The following KCNJ4 variants were observed in gnomAD, a reference collection of about 807,000 sequenced individuals.
KCNJ4 encodes the protein inward rectifier potassium channel 4.
In KCNJ4, 3 loss-of-function variants were observed where a neutral mutation model predicts 25.6. The observed-to-expected ratio is 0.12, with a 90% confidence interval of 0.05 to 0.30. KCNJ4 has a LOEUF of 0.30. Among genes scored for constraint, KCNJ4 ranks in the 10% least tolerant of loss-of-function variants. The probability of loss-of-function intolerance (pLI) is 1.00; values close to 1 mark genes in which losing one functional copy is unlikely to be tolerated. For missense variants in KCNJ4, 286 were observed against 666.8 expected (o/e 0.43, Z 6.29); for synonymous variants, 257 against 283.9 (o/e 0.91, Z 0.95).
At chr22:38,442,631 C>T (rs1280216173) in intron 1 of KCNJ4, among the ~76,000 whole-genome samples, 1 of 151,520 alleles carries the variant, frequency 6.6e-6, no homozygotes, top group Non-Finnish European at 1.5e-5. Context: ...AATTTCTTAA[C>T]CTCTCTGAGT....
At chr22:38,453,293 C>T (rs1378532825) in intron 1 of KCNJ4, among the ~76,000 whole-genome samples, 1 of 152,092 alleles carries the variant, frequency 6.6e-6, no homozygotes, top group Non-Finnish European at 1.5e-5. Flanking sequence ...GTTGAAGAAA[C>T]TGAGGTTCAG....
chr22:38,438,643 C>T (rs747685677), intron 1 of KCNJ4, among the ~76,000 whole-genome samples: 4 of 150,940 alleles, frequency 2.7e-5, no homozygotes, highest in Non-Finnish European at 5.9e-5. Context: ...GAGCTGAGAT[C>T]GCGCCACTGC....
Position 38,427,840 on chromosome 22 carries a change from C to A in KCNJ4, c.293G>T (p.Gly98Val). 2 of 1,609,028 alleles carry A rather than the reference C, an allele frequency of 1.2e-6. No homozygotes were observed. Among genetic ancestry groups the A allele is most frequent in the Admixed American group, 1.7e-5 (1 of 59,660 alleles). Reference protein sequence around the residue: ...EASPGVPAAGGPAAGGGGAAP... With the variant: ...EASPGVPAAGVPAAGGGGAAP... The stretch of plus-strand genomic sequence containing the variant: ...TGCTCCGCCACCACCCGCCGCCGGG[C>A]CCCCCGCCGCAGGCACCCCTGGGCT... Residue 98 changes from glycine to valine, a missense_variant, in exon 2 of 2, where the codon GGC becomes GTC. Physicochemically the swap from Gly to Val is moderately radical, Grantham distance 109. Coordinates refer to ENST00000303592, the MANE Select transcript of KCNJ4 (RefSeq NM_152868.3).
intron 1 of KCNJ4, among the ~76,000 whole-genome samples, chr22:38,454,047 G>A (rs992761454): frequency 1.3e-5 from 2 of 152,202 alleles, no homozygotes; most frequent in African/African-American, 4.8e-5. Flanking sequence ...AGCCATGGAG[G>A]TCATGGGACT....
Position 38,428,144 on chromosome 22 carries a change from G to T in KCNJ4, c.-12C>A. 1 of 1,599,622 alleles carries T rather than the reference G, an allele frequency of 6.3e-7. No individual in the cohort carries two copies. Among genetic ancestry groups the T allele is most frequent in the South Asian group, 1.1e-5 (1 of 89,818 alleles). On this transcript the variant is annotated 5_prime_UTR_variant, in exon 2 of 2. Coordinates refer to ENST00000303592, the MANE Select transcript of KCNJ4 (RefSeq NM_152868.3). ...CTGTGTCCGTGCATGTCCTGAAGCCGGCGTGGTCACCTGGGAAGACGCAGG... is the reference window on the plus strand; with the variant it reads ...CTGTGTCCGTGCATGTCCTGAAGCCTGCGTGGTCACCTGGGAAGACGCAGG...
intron 1 of KCNJ4, among the ~76,000 whole-genome samples, chr22:38,439,579 A>C (rs2089317310): frequency 6.6e-6 from 1 of 151,722 alleles, no homozygotes; most frequent in South Asian, 2.1e-4. Flanking sequence ...GATTGAGTCC[A>C]TCCTGGCGAA....
Position 38,427,536 on chromosome 22 carries a change from C to T in KCNJ4, c.597G>A (p.Lys199=), listed in dbSNP as rs1461685486. 6.2e-7 allele frequency: 1 copy of T among 1,611,804 alleles called. No individual in the cohort carries two copies. Among genetic ancestry groups the T allele is most frequent in the Admixed American group, 1.7e-5 (1 of 60,002 alleles). ...HHAVISVRDG[K]LCLMWRVGNL... is the part of the protein sequence containing the mutation. ...TGCCCACGCGCCACATGAGGCAGAGCTTGCCGTCGCGCACCGAAATGACCG... is the reference window on the plus strand; with the variant it reads ...TGCCCACGCGCCACATGAGGCAGAGTTTGCCGTCGCGCACCGAAATGACCG... Residue 199 remains lysine, a synonymous_variant, in exon 2 of 2, where the codon AAG becomes AAA. Coordinates refer to ENST00000303592, the MANE Select transcript of KCNJ4 (RefSeq NM_152868.3).
At position 38,427,463 on chromosome 22, in the gene KCNJ4, T is replaced by C. The variant is rs1369300420; in HGVS notation, c.670A>G (p.Ile224Val). The C allele has an allele frequency of 1.9e-6, 3 of 1,612,482 alleles. No individual in the cohort carries two copies. The highest frequency in any genetic ancestry group is 1.7e-5 in the Admixed American group (1 of 59,992). The change falls in exon 2 of 2, where the codon ATC (isoleucine) becomes GTC (valine). Residue 224 changes from isoleucine to valine, a missense_variant. By Grantham distance (29) the Ile-to-Val change is conservative (BLOSUM62 3). Coordinates refer to ENST00000303592, the MANE Select transcript of KCNJ4 (RefSeq NM_152868.3). ...CCCTCCTGGGTCATGTAGGGCTTGA[T>C]GAGCTGGGCCCGCACGTGGGCCTCC... ...IVEAHVRAQL[I>V]KPYMTQEGEY...
chr22:38,454,852 C>G (rs181608870), intron 1 of KCNJ4, 128 bp downstream of exon 1: 1 of 151,974 alleles, frequency 6.6e-6, no homozygotes, highest in East Asian at 2.0e-4. Context: ...CGGCGCCGGG[C>G]AGCCGGGACC....
intron 1 of KCNJ4, among the ~76,000 whole-genome samples, chr22:38,447,012 AGGCTC>A (rs1242398793): frequency 9.0e-4 from 136 of 151,702 alleles, no homozygotes; most frequent in African/African-American, 3.1e-3. Context: ...CAGGGGGTAA[AGGCTC>A]AGAGAGGTGA....
intron 1 of KCNJ4, among the ~76,000 whole-genome samples, chr22:38,441,617 C>T (rs1262438669): frequency 6.6e-6 from 1 of 152,064 alleles, no homozygotes; most frequent in Non-Finnish European, 1.5e-5. Flanking sequence ...CTCTGGGATG[C>T]TCGGCTGGCC....
At chr22:38,441,849 T>C (rs538017139) in intron 1 of KCNJ4, among the ~76,000 whole-genome samples, 1 of 152,256 alleles carries the variant, frequency 6.6e-6, no homozygotes, top group South Asian at 2.1e-4. Flanking sequence ...CAAATGCCCA[T>C]CCACGAATGG....
chr22:38,429,935 C>T lies in KCNJ4; in HGVS notation c.-39-1764G>A, dbSNP rs182900017. 1.4e-3 allele frequency among the ~76,000 whole-genome samples: 211 copies of T among 152,304 alleles called. 2 individuals carry two copies. The highest frequency in any genetic ancestry group is 4.9e-3 in the African/African-American group (204 of 41,562). The stretch of plus-strand genomic sequence containing the variant: ...CCCCGGTTCAGGACAACTCGGTTGC[C>T]GCAGCAACCGGTACGCGCCAACGCT... On this transcript the variant is annotated intron_variant, in intron 1 of 1. Transcript: ENST00000303592.
chr22:38,443,947 T>G lies in KCNJ4; in HGVS notation c.-40+11033A>C, dbSNP rs1039014429. On this transcript the variant is annotated intron_variant, in intron 1 of 1. Coordinates refer to ENST00000303592, the MANE Select transcript of KCNJ4 (RefSeq NM_152868.3). The surrounding 1 kb of genome is among the most constrained non-coding windows in gnomAD (Gnocchi z 4.1). ...CACTCTCCAACCACGGGAAGAGACC[T>G]TCCTTCCCGTCCCTTTAACGCACCA... is the stretch of plus-strand genomic sequence containing the variant. Among the ~76,000 whole-genome samples the G allele has an allele frequency of 1.3e-5, 2 of 152,092 alleles. No homozygotes were observed. Among genetic ancestry groups the G allele is most frequent in the African/African-American group, 4.8e-5 (2 of 41,404 alleles).
intron 1 of KCNJ4, among the ~76,000 whole-genome samples, chr22:38,452,277 C>T (rs2089414581): frequency 6.6e-6 from 1 of 152,214 alleles, no homozygotes; most frequent in African/African-American, 2.4e-5. Context: ...CCCAAGGTCA[C>T]AGAGCAAGGC....
chr22:38,446,836 G>A (rs364851), intron 1 of KCNJ4, among the ~76,000 whole-genome samples: 20,720 of 151,786 alleles, frequency 0.14, 2,737 homozygotes, highest in African/African-American at 0.35. Flanking sequence ...CGCACCTGTA[G>A]TCCTAGCTAC....
intron 1 of KCNJ4, among the ~76,000 whole-genome samples, chr22:38,429,219 C>G (rs2093042068): frequency 6.6e-6 from 1 of 152,206 alleles, no homozygotes; most frequent in Non-Finnish European, 1.5e-5. Context: ...CTGCCCAGTG[C>G]CCACACTTGT....
chr22:38,439,799 C>T (rs912815358), intron 1 of KCNJ4, among the ~76,000 whole-genome samples: 1 of 124,258 alleles, frequency 8.0e-6, no homozygotes, highest in African/African-American at 3.1e-5. Context: ...AAAAGAAATA[C>T]AACATTCCTA....
At position 38,448,915 on chromosome 22, in the gene KCNJ4, GC is replaced by G. The variant is rs1300751058; in HGVS notation, c.-40+6064del. ...CCAGCTCCCCTCTGCCCTGCTGGGGGCCCCCCAGGCCTAGACCAAAGCTCCC... is the reference window on the plus strand; with the variant it reads ...CCAGCTCCCCTCTGCCCTGCTGGGGGCCCCCAGGCCTAGACCAAAGCTCCC... On this transcript the variant is annotated intron_variant, in intron 1 of 1. Transcript: ENST00000303592. Among the ~76,000 whole-genome samples the G allele has an allele frequency of 2.0e-5, 3 of 152,188 alleles. 1 individual carries two copies. Among genetic ancestry groups the G allele is most frequent in the African/African-American group, 7.2e-5 (3 of 41,528 alleles).
Sources: gnomAD v4.1 joint callset for allele counts (sites outside exome capture counted in the v4.1 genomes callset) on GRCh38, gnomAD v4.1.1 for gene constraint, Gnocchi (gnomAD v3.1) non-coding constraint, MANE v1.5 for transcripts, NCBI Gene and HGNC (gene_info 2026-07-23, HGNC 2026-07-21) for gene names.